The following DSCAM variants were observed in gnomAD, a reference collection of about 807,000 sequenced individuals.
DSCAM encodes the protein cell adhesion molecule DSCAM.
A neutral mutation model predicts 217.7 loss-of-function variants in DSCAM; 47 were observed. The observed-to-expected ratio is 0.22, with a 90% CI of 0.17 to 0.28. The LOEUF (loss-of-function observed/expected upper bound fraction) is 0.28, where lower values mean the gene tolerates loss of function less well. Among genes scored for constraint, DSCAM ranks in the 10% least tolerant of loss-of-function variants. The pLI, the probability that DSCAM is intolerant of heterozygous loss-of-function variation, is 1.00. For missense variants in DSCAM, 2,080 were observed against 2,618.3 expected (o/e 0.79, Z 4.49); for synonymous variants, 1,056 against 1,015.3 (o/e 1.04, Z -0.76).
At chr21:40,100,212 T>G (rs1386523746) in intron 20 of DSCAM, among the ~76,000 whole-genome samples, 1 of 152,122 alleles carries the variant, frequency 6.6e-6, no homozygotes, top group Non-Finnish European at 1.5e-5. Flanking sequence ...TTAACCATTT[T>G]AACAGTAGGT....
intron 20 of DSCAM, among the ~76,000 whole-genome samples, chr21:40,111,289 C>A (rs913394647): frequency 1.3e-5 from 2 of 151,954 alleles, no homozygotes; most frequent in African/African-American, 4.8e-5. Context: ...GAATTTTCAA[C>A]CCAGAATTTC....
chr21:40,487,739 T>C (rs2076042226), intron 3 of DSCAM, among the ~76,000 whole-genome samples: 1 of 152,126 alleles, frequency 6.6e-6, no homozygotes, highest in South Asian at 2.1e-4. Flanking sequence ...TCTAGAAACA[T>C]TCTAGAGAGA....
chr21:40,703,114 G>C lies in DSCAM; in HGVS notation c.361+5340C>G, dbSNP rs1346567275. On this transcript the variant is annotated intron_variant, in intron 2 of 32. Transcript: ENST00000400454. ...TTTGAGTAGATCTAAGATTTGATCAGGTGTCATTTTTTTCTTCTGATTCTA... is the reference window on the plus strand; with the variant it reads ...TTTGAGTAGATCTAAGATTTGATCACGTGTCATTTTTTTCTTCTGATTCTA... 5.9e-5 allele frequency among the ~76,000 whole-genome samples: 9 copies of C among 152,140 alleles called. No individual in the cohort carries two copies. The East Asian group carries it at 1.7e-3, about 29-fold the overall frequency.
intron 3 of DSCAM, among the ~76,000 whole-genome samples, chr21:40,467,362 T>C (rs2075853752): frequency 6.6e-6 from 1 of 152,238 alleles, no homozygotes. Context: ...ATAATTAGTC[T>C]TGATCTCTGT....
At chr21:40,812,253 C>G (rs2091845867) in intron 1 of DSCAM, among the ~76,000 whole-genome samples, 1 of 152,218 alleles carries the variant, frequency 6.6e-6, no homozygotes, top group Non-Finnish European at 1.5e-5. Context: ...TGCCACATCT[C>G]AAATACCCAG....
chr21:40,489,077 G>A (rs1186686324), intron 3 of DSCAM, among the ~76,000 whole-genome samples: 2 of 152,172 alleles, frequency 1.3e-5, no homozygotes, highest in Non-Finnish European at 2.9e-5. Flanking sequence ...AGAAAATTTT[G>A]TGATGGTTAA....
At position 40,519,526 on chromosome 21, in the gene DSCAM, C is replaced by T. The variant is rs568342570; in HGVS notation, c.509-150281G>A. On this transcript the variant is annotated intron_variant, in intron 3 of 32. Coordinates refer to ENST00000400454, the MANE Select transcript of DSCAM (RefSeq NM_001389.5). ...GCCATCTGAGGATAAAGCAAGAAGGCGCTGTCTATGAACCAGGGAGTGGGT... is the reference window on the plus strand; with the variant it reads ...GCCATCTGAGGATAAAGCAAGAAGGTGCTGTCTATGAACCAGGGAGTGGGT... Among the ~76,000 whole-genome samples the T allele has an allele frequency of 5.9e-5, 9 of 152,220 alleles. No homozygotes were observed. The South Asian group carries it at 1.2e-3, about 21-fold the overall frequency.
intron 3 of DSCAM, among the ~76,000 whole-genome samples, chr21:40,554,235 A>C (rs2076653420): frequency 6.6e-6 from 1 of 151,134 alleles, no homozygotes. Flanking sequence ...TTGTTGGATT[A>C]AACGAATTAA....
intron 21 of DSCAM, among the ~76,000 whole-genome samples, chr21:40,091,919 G>C (rs2089615770): frequency 6.6e-6 from 1 of 152,108 alleles, no homozygotes; most frequent in Non-Finnish European, 1.5e-5. Flanking sequence ...ATGACACTTG[G>C]AAATTATGGG....
At chr21:40,149,440 C>T (rs1475732964) in intron 16 of DSCAM, among the ~76,000 whole-genome samples, 5 of 138,604 alleles carry the variant, frequency 3.6e-5, no homozygotes, top group African/African-American at 1.3e-4. Context: ...ACACCAATAC[C>T]ACTGTCACCA....
chr21:40,483,222 A>T (rs1167090371), intron 3 of DSCAM, among the ~76,000 whole-genome samples: 1 of 152,232 alleles, frequency 6.6e-6, no homozygotes, highest in East Asian at 1.9e-4. Context: ...AGGACTTACA[A>T]ATTAGCAAAT....
chr21:40,375,258 C>T (rs1263404453), intron 3 of DSCAM, among the ~76,000 whole-genome samples: 1 of 152,202 alleles, frequency 6.6e-6, no homozygotes, highest in Non-Finnish European at 1.5e-5. Context: ...TCCACTTCTG[C>T]TTCCCTACAA....
At chr21:40,177,450 C>T (rs2090745955) in intron 15 of DSCAM, among the ~76,000 whole-genome samples, 1 of 152,168 alleles carries the variant, frequency 6.6e-6, no homozygotes, top group Non-Finnish European at 1.5e-5. Context: ...TTTTCAAGAA[C>T]TGACATCTTC....
intron 3 of DSCAM, among the ~76,000 whole-genome samples, chr21:40,691,935 C>A (rs1188384428): frequency 6.6e-6 from 1 of 152,212 alleles, no homozygotes; most frequent in Non-Finnish European, 1.5e-5. Flanking sequence ...AAATTCTGCT[C>A]TCTATAAATG....
At chr21:40,069,313 G>C (rs900158568) in intron 27 of DSCAM, among the ~76,000 whole-genome samples, 1 of 152,118 alleles carries the variant, frequency 6.6e-6, no homozygotes, top group African/African-American at 2.4e-5. Flanking sequence ...GGATGAGGAG[G>C]CTCCCAGCTT....
intron 3 of DSCAM, among the ~76,000 whole-genome samples, chr21:40,456,561 C>T (rs954590748): frequency 1.3e-5 from 2 of 151,978 alleles, no homozygotes; most frequent in African/African-American, 4.8e-5. Flanking sequence ...GAGGAAAGAC[C>T]ACTAATATTG....
rs187835968 is a variant in DSCAM, at chr21:40,755,756, T to C, written c.44-46985A>G. 9.2e-4 allele frequency among the ~76,000 whole-genome samples: 140 copies of C among 152,290 alleles called. 3 individuals carry two copies. The South Asian group carries it at 0.023, about 25-fold the overall frequency. On this transcript the variant is annotated intron_variant, in intron 1 of 32. Coordinates refer to ENST00000400454, the MANE Select transcript of DSCAM (RefSeq NM_001389.5). Reference sequence around the variant, plus strand: ...ATTTAAGAGCAAAATGAGATGCTCATACATCTTGAAATGAGATATTCATAT... The same window carrying C: ...ATTTAAGAGCAAAATGAGATGCTCACACATCTTGAAATGAGATATTCATAT...
At chr21:40,688,539 T>C (rs973726437) in intron 3 of DSCAM, among the ~76,000 whole-genome samples, 5 of 152,216 alleles carry the variant, frequency 3.3e-5, no homozygotes, top group Non-Finnish European at 5.9e-5. Context: ...GTGATGAGGA[T>C]GTCTAAAAAA....
chr21:40,048,601 T>G (rs1012032943), intron 30 of DSCAM, among the ~76,000 whole-genome samples: 2 of 152,242 alleles, frequency 1.3e-5, no homozygotes, highest in Non-Finnish European at 2.9e-5. Flanking sequence ...CATTCTGGTA[T>G]GCAAGCAACA....
Sources: allele counts gnomAD v4.1 joint callset (sites outside exome capture counted in the v4.1 genomes callset), GRCh38; gene constraint gnomAD v4.1.1; transcripts MANE v1.5; gene names NCBI Gene and HGNC (gene_info 2026-07-23, HGNC 2026-07-21).